FTO: variants seen among roughly 807,000 people sequenced by gnomAD.
The protein encoded by FTO is alpha-ketoglutarate-dependent dioxygenase FTO.
Under a neutral mutation model 63.9 loss-of-function variants are expected in FTO, and 47 were observed. That is an observed-to-expected ratio of 0.74 (90% confidence interval 0.58 to 0.94). FTO has a LOEUF of 0.94. FTO is among the 40% of genes least tolerant of loss of function. The pLI is 0.00. For missense variants in FTO, 562 were observed against 618.1 expected, an observed-to-expected ratio of 0.91 and a Z score of 0.96; for synonymous variants, 207 against 224.4, an observed-to-expected ratio of 0.92 and a Z score of 0.69.
intron 8 of FTO, among the ~76,000 whole-genome samples, chr16:54,094,186 C>A (rs1387217946): frequency 2.0e-5 from 3 of 152,174 alleles, no homozygotes; most frequent in African/African-American, 7.2e-5. Context: ...CTTGCTTTCT[C>A]CTTAAAGATG....
intron 8 of FTO, among the ~76,000 whole-genome samples, chr16:54,064,479 T>C (rs1292507645): frequency 3.9e-5 from 6 of 152,230 alleles, no homozygotes; most frequent in African/African-American, 1.4e-4. Flanking sequence ...TTATTAAAGA[T>C]GTCAATTTGT....
chr16:53,787,011 T>C (rs1372221590), intron 1 of FTO, among the ~76,000 whole-genome samples: 1 of 144,562 alleles, frequency 6.9e-6, no homozygotes, highest in Non-Finnish European at 1.5e-5. Flanking sequence ...CTCGGGAGGC[T>C]GAGGCAGGAG....
rs2086979438 is a variant in FTO, at chr16:54,117,125, A to C, written c.*5210A>C. On this transcript the variant is annotated 3_prime_UTR_variant, in exon 9 of 9. Transcript: ENST00000471389. Reference sequence around the variant, plus strand: ...GTGGCAGAAGAGGTTTTCTGAGTTTAAGTTCTGATTCTGTGTGTGATTCTC... The same window carrying C: ...GTGGCAGAAGAGGTTTTCTGAGTTTCAGTTCTGATTCTGTGTGTGATTCTC... 6.6e-6 allele frequency: 1 copy of C among 152,228 alleles called. No homozygotes were observed. Among genetic ancestry groups the C allele is most frequent in the South Asian group, 2.1e-4 (1 of 4,832 alleles). 9.4% of individuals were successfully genotyped at this position (152,228 alleles called of 1,614,324 possible).
chr16:53,864,956 G>A (rs757577344), intron 4 of FTO, among the ~76,000 whole-genome samples: 1 of 152,072 alleles, frequency 6.6e-6, no homozygotes, highest in Non-Finnish European at 1.5e-5. Flanking sequence ...TTTAAATGAA[G>A]GTGGAAGCCT....
At chr16:53,987,146 T>A (rs1423917895) in intron 8 of FTO, among the ~76,000 whole-genome samples, 1 of 152,122 alleles carries the variant, frequency 6.6e-6, no homozygotes. Flanking sequence ...AAAAAGGATA[T>A]ACAGAGCACT....
At chr16:53,983,512 T>G (rs1197454880) in intron 8 of FTO, among the ~76,000 whole-genome samples, 1 of 152,108 alleles carries the variant, frequency 6.6e-6, no homozygotes, top group Non-Finnish European at 1.5e-5. Context: ...CTGTTGGAAT[T>G]GCTAAACAGG....
At chr16:53,752,094 C>T (rs566171256) in intron 1 of FTO, among the ~76,000 whole-genome samples, 3 of 152,232 alleles carry the variant, frequency 2.0e-5, no homozygotes, top group South Asian at 2.1e-4. Context: ...TGGCAGAACA[C>T]GAGCAATCTA....
intron 1 of FTO, among the ~76,000 whole-genome samples, chr16:53,708,136 A>G (rs2075672323): frequency 6.6e-6 from 1 of 152,192 alleles, no homozygotes. Context: ...AGGCAGGTGG[A>G]TCACCTGAGG....
chr16:53,724,326 G>T (rs1320279516), intron 1 of FTO, among the ~76,000 whole-genome samples: 1 of 152,262 alleles, frequency 6.6e-6, no homozygotes, highest in Non-Finnish European at 1.5e-5. Context: ...TTAAGGAAGA[G>T]TGGATGATAG....
intron 1 of FTO, among the ~76,000 whole-genome samples, chr16:53,761,623 T>G (rs1272131465): frequency 6.6e-6 from 1 of 152,218 alleles, no homozygotes; most frequent in African/African-American, 2.4e-5. Flanking sequence ...CCTTTGACTA[T>G]CCTCACGGAA....
chr16:54,111,872 T>C lies in FTO; in HGVS notation c.1475T>C (p.Ile492Thr), dbSNP rs138241079. 5.0e-6 allele frequency: 8 copies of C among 1,613,916 alleles called. No homozygotes were observed. The African/African-American group carries it at 1.1e-4, about 22-fold the overall frequency. The change falls in exon 9 of 9, where the codon ATC becomes ACC. Residue 492 changes from isoleucine to threonine, a missense_variant. Ile to Thr is a moderately conservative substitution (Grantham distance 89, BLOSUM62 -1). Transcript: ENST00000471389. ...SMPLPFDLTD[I>T]VSELRGQLLE... ...CCTCTGCCGTTTGACCTCACAGACA[T>C]CGTTTCAGAACTCAGAGGTCAGCTT... is the stretch of plus-strand genomic sequence containing the variant.
chr16:54,058,540 G>A (rs773877417), intron 8 of FTO, among the ~76,000 whole-genome samples: 18 of 152,166 alleles, frequency 1.2e-4, no homozygotes, highest in Admixed American at 2.6e-4. Flanking sequence ...CAGTAATCCC[G>A]TCAAGAGGTG....
intron 1 of FTO, among the ~76,000 whole-genome samples, chr16:53,748,538 T>G (rs554607555): frequency 6.0e-4 from 91 of 152,252 alleles, no homozygotes; most frequent in African/African-American, 2.0e-3. Context: ...CACTGCAGCT[T>G]CCACCTCCTA....
At chr16:53,987,889 T>C (rs2083709260) in intron 8 of FTO, among the ~76,000 whole-genome samples, 1 of 152,204 alleles carries the variant, frequency 6.6e-6, no homozygotes, top group Non-Finnish European at 1.5e-5. Context: ...CTTTGAAAAG[T>C]ATAAAATGCA....
rs534024112 is a variant in FTO, at chr16:53,818,862, T to C, written c.124-7002T>C. 1.9e-3 allele frequency among the ~76,000 whole-genome samples: 293 copies of C among 152,268 alleles called. 4 individuals carry two copies. The highest frequency in any genetic ancestry group is 2.2e-3 in the Non-Finnish European group (153 of 68,012). On this transcript the variant is annotated intron_variant, in intron 2 of 8. Coordinates refer to ENST00000471389, the MANE Select transcript of FTO (RefSeq NM_001080432.3). ...TCTTGGGCATTTTGGTGGTTTTCAG[T>C]TTTTAATTATTATCAATAGCAGTAT...
chr16:53,940,748 C>T (rs771542858), intron 8 of FTO, among the ~76,000 whole-genome samples: 7 of 152,184 alleles, frequency 4.6e-5, no homozygotes, highest in Non-Finnish European at 8.8e-5. Context: ...CTACTTGCTT[C>T]TACTTAAAAG....
At chr16:53,818,114 CA>C (rs1186171889) in intron 2 of FTO, among the ~76,000 whole-genome samples, 1 of 151,344 alleles carries the variant, frequency 6.6e-6, no homozygotes, top group Non-Finnish European at 1.5e-5. Context: ...ATTTGTTTGA[CA>C]GAATGAATTA....
intron 7 of FTO, among the ~76,000 whole-genome samples, chr16:53,896,603 T>C (rs1054512221): frequency 6.6e-6 from 1 of 152,176 alleles, no homozygotes; most frequent in Non-Finnish European, 1.5e-5. Flanking sequence ...TTGAAAAATA[T>C]TGTTATGATG....
chr16:53,710,596 G>T (rs927469237), intron 1 of FTO, among the ~76,000 whole-genome samples: 28 of 152,082 alleles, frequency 1.8e-4, no homozygotes, highest in African/African-American at 6.8e-4. Context: ...TATTTTTGAG[G>T]AAAGATGGGG....
Sources: gnomAD v4.1 joint callset for allele counts (sites outside exome capture counted in the v4.1 genomes callset) on GRCh38, gnomAD v4.1.1 for gene constraint, MANE v1.5 for transcripts, NCBI Gene and HGNC (gene_info 2026-07-23, HGNC 2026-07-21) for gene names.